VPS11: variants seen among roughly 807,000 people sequenced by gnomAD.
VPS11 encodes the protein vacuolar protein sorting-associated protein 11 homolog.
Under a neutral mutation model 106.8 loss-of-function variants are expected in VPS11, and 51 were observed. That is an observed-to-expected ratio of 0.48 (90% confidence interval 0.38 to 0.60). VPS11 has a LOEUF of 0.60. Ranked by LOEUF, VPS11 falls within the 20% of genes least tolerant of loss-of-function variation. The pLI is 0.00. For synonymous variants in VPS11, 453 were observed against 458.7 expected (o/e 0.99, Z 0.16); for missense variants, 950 against 1,190.0 (o/e 0.80, Z 2.97).
intron 6 of VPS11, 130 bp downstream of exon 6, chr11:119,073,529 T>G: frequency 8.2e-7 from 1 of 1,218,294 alleles, no homozygotes; most frequent in East Asian, 2.5e-5. Context: ...TTCCTTAGGG[T>G]AGGATTATAA....
chr11:119,070,464 G>T, intron 4 of VPS11, 67 bp downstream of exon 4: 1 of 1,437,742 alleles, frequency 7.0e-7, no homozygotes, highest in Middle Eastern at 1.9e-4. Flanking sequence ...GGGGGATAGG[G>T]TAATGAAGTG....
chr11:119,081,440 CCCT>C lies in VPS11; in HGVS notation c.2662-14_2662-12del, dbSNP rs782608581. 5.0e-6 allele frequency: 8 copies of C among 1,613,814 alleles called. No individual in the cohort carries two copies. In the East Asian group the frequency reaches 1.6e-4, roughly 31 times the overall value. ...ACTTTGATTCTGATTCGTATTCCTT[CCCT>C]CCTCTTCTCCTGCAGCTCAAGTGCT... is the stretch of plus-strand genomic sequence containing the variant. On this transcript the variant is annotated splice_polypyrimidine_tract_variant and intron_variant, in intron 15 of 15. Coordinates refer to ENST00000621676, the MANE Select transcript of VPS11 (RefSeq NM_021729.6).
At position 119,078,354 on chromosome 11, in the gene VPS11, T is replaced by G. The variant is rs1214855271; in HGVS notation, c.1923+20T>G. 1 of 1,605,256 alleles carries G rather than the reference T, an allele frequency of 6.2e-7. No homozygotes were observed. The highest frequency in any genetic ancestry group is 8.5e-7 in the Non-Finnish European group (1 of 1,179,096). On this transcript the variant is annotated intron_variant, in intron 11 of 15. Coordinates refer to ENST00000621676, the MANE Select transcript of VPS11 (RefSeq NM_021729.6). ...CCACAGGTGAGGCCTGGCCAGGGCT[T>G]CAGGAGAAAAGACAGTTCGTGCCGT...
intron 4 of VPS11, among the ~76,000 whole-genome samples, chr11:119,071,279 C>G (rs1046749796): frequency 9.9e-5 from 15 of 152,150 alleles, no homozygotes; most frequent in African/African-American, 3.4e-4. Flanking sequence ...CTTTACCTTT[C>G]TTGTTCCTGG....
chr11:119,071,970 A>G lies in VPS11; in HGVS notation c.884+127A>G, dbSNP rs377734109. The stretch of plus-strand genomic sequence containing the variant: ...CCTACTCCGGTGTTATGTAGGTAAC[A>G]TTTCTGTTTTTTTTTTTTGAGATGG... On this transcript the variant is annotated intron_variant, in intron 5 of 15. Coordinates refer to ENST00000621676, the MANE Select transcript of VPS11 (RefSeq NM_021729.6). 4.1e-3 allele frequency: 5,406 copies of G among 1,309,208 alleles called. 110 individuals are homozygous for G. The African/African-American group carries it at 0.059, about 14-fold the overall frequency. The allele number at this position is 1,309,208 out of a possible 1,614,324, so 81.1% of individuals were successfully genotyped here. A position where few individuals can be genotyped will look rare whatever the true frequency, so the allele number is the denominator to read the frequency against.
At position 119,077,924 on chromosome 11, in the gene VPS11, A is replaced by G. The variant is rs371324199; in HGVS notation, c.1619A>G (p.Gln540Arg). The stretch of plus-strand genomic sequence containing the variant: ...TACATCGGCAAGCTGCCTTTTGAGC[A>G]GGCAGAGAGCAACATGAAGCGCTAC... ...LRYIGKLPFEQAESNMKRYGK... is the reference protein window; with the variant it reads ...LRYIGKLPFERAESNMKRYGK... The change falls in exon 10 of 16, where the codon CAG becomes CGG. Residue 540 changes from glutamine (Q) to arginine (R), a missense_variant. Gln to Arg is a conservative substitution (Grantham distance 43, BLOSUM62 1). Coordinates refer to ENST00000621676, the MANE Select transcript of VPS11 (RefSeq NM_021729.6). 2.7e-4 allele frequency: 431 copies of G among 1,614,066 alleles called. No individual in the cohort carries two copies. The highest frequency in any genetic ancestry group is 3.4e-4 in the Non-Finnish European group (402 of 1,179,900).
intron 1 of VPS11, among the ~76,000 whole-genome samples, chr11:119,068,748 C>T (rs1466858392): frequency 1.4e-5 from 2 of 143,770 alleles, no homozygotes; most frequent in Non-Finnish European, 3.0e-5. Context: ...GCCCGGCGCA[C>T]TAAATTTTTT....
intron 14 of VPS11, 91 bp from the exon 15 acceptor site, chr11:119,081,001 C>A: frequency 1.7e-6 from 2 of 1,179,666 alleles, no homozygotes; most frequent in Non-Finnish European, 1.3e-6. Flanking sequence ...AGGGACCTTG[C>A]CCTGTGCACT....
chr11:119,081,732 C>T lies in VPS11; in HGVS notation c.*109C>T. ...TGGCTGACATGCCCAGGGCTCCACT[C>T]TCATCTAATGTCACAGCCCTCAGAA... On this transcript the variant is annotated 3_prime_UTR_variant, in exon 16 of 16. Transcript: ENST00000621676. The T allele has an allele frequency of 2.9e-6, 4 of 1,400,936 alleles. No homozygotes were observed. The highest frequency in any genetic ancestry group is 2.9e-6 in the Non-Finnish European group (3 of 1,040,740). The allele number at this position is 1,400,936 out of a possible 1,614,324, so 86.8% of individuals were successfully genotyped here.
chr11:119,069,938 C>T (rs1300645765), intron 3 of VPS11, among the ~76,000 whole-genome samples: 1 of 151,650 alleles, frequency 6.6e-6, no homozygotes, highest in Non-Finnish European at 1.5e-5. Context: ...GCGGAGTTTG[C>T]AGTGAGCCAA....
rs782484147 is a variant in VPS11 at position 119,078,169 on chromosome 11, C to G, written c.1762-4C>G. The G allele has an allele frequency of 5.2e-5, 84 of 1,612,606 alleles. No individual in the cohort carries two copies. In the South Asian group the frequency reaches 8.8e-4, roughly 17 times the overall value. On this transcript the variant is annotated splice_region_variant and splice_polypyrimidine_tract_variant and intron_variant, in intron 10 of 15. Transcript: ENST00000621676. ...GCCTCCTTTTTCCTCTCTTGCCATC[C>G]TAGGCCAACTCTGAGGAGTTCATCC... is the stretch of plus-strand genomic sequence containing the variant.
intron 6 of VPS11, 61 bp from the exon 7 acceptor site, chr11:119,073,739 T>A: frequency 6.4e-7 from 1 of 1,559,022 alleles, no homozygotes; most frequent in South Asian, 1.1e-5. Context: ...GTGCGCACAT[T>A]TTGGGAAAGT....
chr11:119,078,562 C>T lies in VPS11; in HGVS notation c.1924-3C>T, dbSNP rs1203987281. The T allele has an allele frequency of 6.2e-7, 1 of 1,607,802 alleles. No individual in the cohort carries two copies. Among genetic ancestry groups the T allele is most frequent in the African/African-American group, 1.3e-5 (1 of 74,936 alleles). ...CAGCAGCTCTGCCCTCCTTCCTCTCCAGGTCAAAGAGAAGCTTCACGCAGA... is the reference window on the plus strand; with the variant it reads ...CAGCAGCTCTGCCCTCCTTCCTCTCTAGGTCAAAGAGAAGCTTCACGCAGA... On this transcript the variant is annotated splice_polypyrimidine_tract_variant and splice_region_variant and intron_variant, in intron 11 of 15. Coordinates refer to ENST00000621676, the MANE Select transcript of VPS11 (RefSeq NM_021729.6).
At chr11:119,078,533 T>A in intron 11 of VPS11, 32 bp from the exon 12 acceptor site, 1 of 1,599,158 alleles carries the variant, frequency 6.3e-7, no homozygotes. Flanking sequence ...TTTCCCCTTT[T>A]GTCCAGCAGC....
intron 14 of VPS11, 137 bp downstream of exon 14, chr11:119,079,437 G>T (rs2134801757): frequency 1.8e-6 from 2 of 1,135,372 alleles, no homozygotes; most frequent in East Asian, 5.2e-5. Flanking sequence ...TGTTTTAATT[G>T]AGGAATTCCA....
Position 119,077,077 on chromosome 11 carries a change from C to T in VPS11, c.1419C>T (p.Phe473=). ...AGGACAGCTCGAAGCTGGAGGAGTT[C>T]ATCAAGGTGCAGGATGTTGTTGGTG... The part of the protein sequence containing the change: ...KLKDSSKLEE[F]IKKKSESEVH... The change falls in exon 8 of 16, where the codon TTC becomes TTT. Residue 473 remains phenylalanine, a synonymous_variant. Transcript: ENST00000621676. The T allele has an allele frequency of 6.2e-7, 1 of 1,610,806 alleles. No homozygotes were observed. Among genetic ancestry groups the T allele is most frequent in the South Asian group, 1.1e-5 (1 of 90,410 alleles).
At chr11:119,076,805 T>C (rs1445102558) in intron 7 of VPS11, 92 bp from the exon 8 acceptor site, 1 of 1,436,870 alleles carries the variant, frequency 7.0e-7, no homozygotes, top group African/African-American at 1.4e-5. Context: ...AAATAGAATT[T>C]GCATTTTGAG....
Position 119,069,303 on chromosome 11 carries a change from C to G in VPS11, c.295C>G (p.Leu99Val). 1 of 1,614,010 alleles carries G rather than the reference C, an allele frequency of 6.2e-7. No homozygotes were observed. Among genetic ancestry groups the G allele is most frequent in the Non-Finnish European group, 8.5e-7 (1 of 1,179,886 alleles). Reference sequence around the variant, plus strand: ...GTACCAACTGAAGCAGCACAATATTCTGGCATCTGTTGGAGAAGATGAAGA... The same window carrying G: ...GTACCAACTGAAGCAGCACAATATTGTGGCATCTGTTGGAGAAGATGAAGA... ...HLYQLKQHNI[L>V]ASVGEDEEGI... The change falls in exon 2 of 16, where the codon CTG becomes GTG. Residue 99 changes from leucine to valine, a missense_variant. Transcript: ENST00000621676.
chr11:119,080,309 T>G (rs1203404661), intron 14 of VPS11, among the ~76,000 whole-genome samples: 1 of 151,318 alleles, frequency 6.6e-6, no homozygotes, highest in Non-Finnish European at 1.5e-5. Context: ...CTGCCTGCCT[T>G]GGCCTCCCAA....
Sources: allele counts gnomAD v4.1 joint callset (sites outside exome capture counted in the v4.1 genomes callset), GRCh38; gene constraint gnomAD v4.1.1; transcripts MANE v1.5; gene names NCBI Gene and HGNC (gene_info 2026-07-23, HGNC 2026-07-21).